The following SMURF1 variants were observed in gnomAD, a reference collection of about 807,000 sequenced individuals.
The protein encoded by SMURF1 is E3 ubiquitin-protein ligase SMURF1.
A neutral mutation model predicts 98.0 loss-of-function variants in SMURF1; 44 were observed. That is an observed-to-expected ratio of 0.45 (90% CI 0.35 to 0.58). The LOEUF is 0.58. SMURF1 is among the 20% of genes least tolerant of loss of function. The pLI, the probability that SMURF1 is intolerant of heterozygous loss-of-function variation, is 0.00. For missense variants in SMURF1, 687 were observed against 938.4 expected, an observed-to-expected ratio of 0.73 and a Z score of 3.50; for synonymous variants, 396 against 374.9, an observed-to-expected ratio of 1.06 and a Z score of -0.65.
chr7:99,079,508 T>A (rs766613137), intron 1 of SMURF1, among the ~76,000 whole-genome samples: 1 of 152,166 alleles, frequency 6.6e-6, no homozygotes, highest in Non-Finnish European at 1.5e-5. Flanking sequence ...AGAAACTCAA[T>A]AAAAGTGTTT....
At chr7:99,032,776 A>T in intron 17 of SMURF1, 1 of 499,920 alleles carries the variant, frequency 2.0e-6, no homozygotes. Context: ...TCTTACAGGT[A>T]TTTTTTTACA....
intron 8 of SMURF1, chr7:99,050,852 TAAA>T: frequency 1.8e-6 from 2 of 1,119,078 alleles, no homozygotes; most frequent in Non-Finnish European, 2.4e-6. Flanking sequence ...TAAAAGGAAA[TAAA>T]AAGCAAAAGA....
At chr7:99,124,527 C>A (rs567361043) in intron 1 of SMURF1, among the ~76,000 whole-genome samples, 1 of 152,268 alleles carries the variant, frequency 6.6e-6, no homozygotes, top group East Asian at 1.9e-4. Context: ...ACAGGCGCTT[C>A]TACAGAATCT....
chr7:99,139,199 TACC>T (rs1563046978), intron 1 of SMURF1, among the ~76,000 whole-genome samples: 1 of 152,218 alleles, frequency 6.6e-6, no homozygotes, highest in Non-Finnish European at 1.5e-5. Flanking sequence ...CAACAGCTAT[TACC>T]ACAACTATTT....
At chr7:99,063,263 A>T (rs1313124271) in intron 1 of SMURF1, among the ~76,000 whole-genome samples, 5 of 8,238 alleles carry the variant, frequency 6.1e-4, no homozygotes, top group East Asian at 3.6e-3. Flanking sequence ...ATATATATAT[A>T]TATATATATA....
chr7:99,084,989 C>G (rs1202291288), intron 1 of SMURF1, among the ~76,000 whole-genome samples: 3 of 152,114 alleles, frequency 2.0e-5, no homozygotes, highest in African/African-American at 4.8e-5. Context: ...CCTCCTCGTT[C>G]TCTCTCTTCC....
At chr7:99,127,077 C>T (rs1468077979) in intron 1 of SMURF1, among the ~76,000 whole-genome samples, 1 of 152,194 alleles carries the variant, frequency 6.6e-6, no homozygotes, top group Non-Finnish European at 1.5e-5. Flanking sequence ...CTGGAGGTTC[C>T]TAGTGCTTCA....
intron 16 of SMURF1, among the ~76,000 whole-genome samples, chr7:99,034,875 G>T (rs1486199795): frequency 6.6e-6 from 1 of 152,206 alleles, no homozygotes; most frequent in Non-Finnish European, 1.5e-5. Flanking sequence ...TTTACAATGT[G>T]TCTGTGTGTC....
chr7:99,138,342 A>C (rs953836443), intron 1 of SMURF1, among the ~76,000 whole-genome samples: 1 of 152,250 alleles, frequency 6.6e-6, no homozygotes, highest in Non-Finnish European at 1.5e-5. Flanking sequence ...ATGTTGTACA[A>C]AACAGCCAGT....
At chr7:99,122,282 C>T (rs1421575443) in intron 1 of SMURF1, among the ~76,000 whole-genome samples, 6 of 146,526 alleles carry the variant, frequency 4.1e-5, no homozygotes, top group East Asian at 2.1e-4. Flanking sequence ...AAGCCGAGAT[C>T]GGGCCACCGC....
chr7:99,038,562 C>G, intron 13 of SMURF1, 37 bp from the exon 14 acceptor site: 3 of 1,601,250 alleles, frequency 1.9e-6, no homozygotes, highest in Non-Finnish European at 2.6e-6. Flanking sequence ...GGTTAGAACT[C>G]TGCCACCACG....
chr7:99,062,189 GGT>G (rs10553913), intron 1 of SMURF1, among the ~76,000 whole-genome samples: 81,726 of 151,084 alleles, frequency 0.54, 24,271 homozygotes, highest in Non-Finnish European at 0.66. Flanking sequence ...CGAACTCCTG[GGT>G]GATTCAAGCA....
At position 99,027,828 on chromosome 7, in the gene SMURF1, C is replaced by T. The variant is rs1370311148; in HGVS notation, c.*2756G>A. The T allele has an allele frequency of 1.3e-5, 2 of 152,558 alleles. No homozygotes were observed. Among genetic ancestry groups the T allele is most frequent in the Admixed American group, 1.3e-4 (2 of 15,286 alleles). The allele number at this position is 152,558 out of a possible 1,614,324, so 9.5% of individuals were successfully genotyped here. On this transcript the variant is annotated 3_prime_UTR_variant, in exon 18 of 18. Coordinates refer to ENST00000361368, the MANE Select transcript of SMURF1 (RefSeq NM_181349.3). ...GGCGGGTGGGGGGACATTTTCTCTG[C>T]AGAAGGCCTTTCCTGACATCTCGGG...
At chr7:99,091,441 A>T (rs1484332604) in intron 1 of SMURF1, among the ~76,000 whole-genome samples, 1 of 152,216 alleles carries the variant, frequency 6.6e-6, no homozygotes, top group Non-Finnish European at 1.5e-5. Flanking sequence ...GGAAACTTAC[A>T]TGTCTCTCTC....
chr7:99,041,140 G>T (rs796798586), intron 12 of SMURF1, among the ~76,000 whole-genome samples: 1 of 152,176 alleles, frequency 6.6e-6, no homozygotes, highest in Non-Finnish European at 1.5e-5. Flanking sequence ...GGTTGCTCAC[G>T]CCTGTAATCT....
chr7:99,084,986 GT>G (rs1796648550), intron 1 of SMURF1, among the ~76,000 whole-genome samples: 1 of 151,998 alleles, frequency 6.6e-6, no homozygotes, highest in South Asian at 2.1e-4. Flanking sequence ...CATCCTCCTC[GT>G]TCTCTCTCTT....
At chr7:99,056,424 T>C (rs1012475568) in intron 5 of SMURF1, among the ~76,000 whole-genome samples, 3 of 152,234 alleles carry the variant, frequency 2.0e-5, no homozygotes, top group African/African-American at 7.2e-5. Flanking sequence ...CAACACTTTG[T>C]AACATTAGCA....
chr7:99,073,391 A>G (rs1639485717), intron 1 of SMURF1, among the ~76,000 whole-genome samples: 1 of 151,402 alleles, frequency 6.6e-6, no homozygotes, highest in Non-Finnish European at 1.5e-5. Flanking sequence ...AAAAAAAAAA[A>G]GAAAAAATTT....
At chr7:99,064,606 T>C (rs1796141822) in intron 1 of SMURF1, among the ~76,000 whole-genome samples, 1 of 152,234 alleles carries the variant, frequency 6.6e-6, no homozygotes, top group Non-Finnish European at 1.5e-5. Context: ...TCTTTGTAGA[T>C]GTTTGTTGAT....
Sources: gnomAD v4.1 joint callset for allele counts (sites outside exome capture counted in the v4.1 genomes callset) on GRCh38, gnomAD v4.1.1 for gene constraint, MANE v1.5 for transcripts, NCBI Gene and HGNC (gene_info 2026-07-23, HGNC 2026-07-21) for gene names.